The following ZFYVE9 variants were observed in gnomAD, a reference collection of about 807,000 sequenced individuals.
ZFYVE9 encodes zinc finger FYVE domain-containing protein 9.
A neutral mutation model predicts 126.7 loss-of-function variants in ZFYVE9; 43 were observed. The observed-to-expected ratio is 0.34, with a 90% CI of 0.27 to 0.44. The LOEUF is 0.44. Ranked by LOEUF, ZFYVE9 falls within the 20% of genes least tolerant of loss-of-function variation. The pLI is 1.00. For synonymous variants in ZFYVE9, 521 were observed against 597.4 expected (o/e 0.87, Z 1.87); for missense variants, 1,476 against 1,697.0 (o/e 0.87, Z 2.29).
chr1:52,343,769 AAAAAT>A (rs1646461110), intron 17 of ZFYVE9, among the ~76,000 whole-genome samples: 2 of 151,094 alleles, frequency 1.3e-5, no homozygotes, highest in African/African-American at 4.9e-5. Flanking sequence ...ATCTCAAAAA[AAAAAT>A]AAAGTAAGTC....
rs143658263 is a variant in ZFYVE9, at chr1:52,187,475, T to G, written c.-142-28894T>G. On this transcript the variant is annotated intron_variant, in intron 1 of 18. Transcript: ENST00000287727. ...GCAAAAATTGACAAATGGCATCTAA[T>G]TAAACTTAAGAGTTTCTGCACAGCA... Among the ~76,000 whole-genome samples, 379 of 152,308 alleles carry G rather than the reference T, an allele frequency of 2.5e-3. 12 individuals carry two copies. The South Asian group carries it at 0.043, about 17-fold the overall frequency.
chr1:52,320,296 C>T (rs560458877), intron 13 of ZFYVE9, among the ~76,000 whole-genome samples: 9 of 152,186 alleles, frequency 5.9e-5, no homozygotes, highest in African/African-American at 1.7e-4. Flanking sequence ...TCTCGAACTC[C>T]TGACCTCAGG....
chr1:52,162,481 T>A (rs1262145692), intron 1 of ZFYVE9: 1 of 251,614 alleles, frequency 4.0e-6, no homozygotes. Flanking sequence ...AGCTCCTTTC[T>A]GTTTGCCCTT....
intron 1 of ZFYVE9, among the ~76,000 whole-genome samples, chr1:52,164,331 A>C (rs1644492438): frequency 1.3e-5 from 2 of 152,148 alleles, no homozygotes; most frequent in South Asian, 4.1e-4. Context: ...CTCCTGCCTC[A>C]GCTTCTTGAG....
chr1:52,185,220 C>T (rs1370955310), intron 1 of ZFYVE9, among the ~76,000 whole-genome samples: 1 of 152,054 alleles, frequency 6.6e-6, no homozygotes, highest in Non-Finnish European at 1.5e-5. Flanking sequence ...AATAATTATA[C>T]CTTACAGAGT....
Position 52,199,205 on chromosome 1 carries a change from A to G in ZFYVE9, c.-142-17164A>G, listed in dbSNP as rs549430988. Among the ~76,000 whole-genome samples, 351 of 152,168 alleles carry G rather than the reference A, an allele frequency of 2.3e-3. 5 individuals carry two copies. In the South Asian group the frequency reaches 0.044, roughly 19 times the overall value. On this transcript the variant is annotated intron_variant, in intron 1 of 18. Coordinates refer to ENST00000287727, the MANE Select transcript of ZFYVE9 (RefSeq NM_004799.4). ...CTCAGCCTCCCGAGTAGCTGGGACT[A>G]TAGGCGCTGCCACTACGCCCGGCTA...
At chr1:52,186,182 G>T (rs1033001657) in intron 1 of ZFYVE9, among the ~76,000 whole-genome samples, 3 of 150,936 alleles carry the variant, frequency 2.0e-5, no homozygotes, top group African/African-American at 7.3e-5. Flanking sequence ...GGAGGTTTCA[G>T]TGAGCCAAGA....
intron 15 of ZFYVE9, 81 bp downstream of exon 15, chr1:52,334,849 A>C: frequency 7.3e-7 from 1 of 1,376,814 alleles, no homozygotes; most frequent in East Asian, 2.3e-5. Flanking sequence ...TCTGCTGTAG[A>C]TGTCTGACTC....
intron 4 of ZFYVE9, among the ~76,000 whole-genome samples, chr1:52,254,528 A>G (rs1645484756): frequency 6.6e-6 from 1 of 152,192 alleles, no homozygotes; most frequent in African/African-American, 2.4e-5. Flanking sequence ...CATCTCTGCC[A>G]AACAAAAGGG....
At chr1:52,145,248 CTT>C (rs1644296134) in intron 1 of ZFYVE9, among the ~76,000 whole-genome samples, 1 of 152,130 alleles carries the variant, frequency 6.6e-6, no homozygotes, top group Admixed American at 6.5e-5. Flanking sequence ...CCTATTAACT[CTT>C]TTAGAAAGGT....
chr1:52,176,731 CA>C (rs919220642), intron 1 of ZFYVE9, among the ~76,000 whole-genome samples: 3 of 152,340 alleles, frequency 2.0e-5, no homozygotes, highest in Admixed American at 2.0e-4. Flanking sequence ...TGCCGCCTTG[CA>C]GTTTGATCTC....
In ZFYVE9 at chr1:52,263,858, C is replaced by T; in HGVS notation, c.2264C>T (p.Ser755Leu). 6.4e-7 allele frequency: 1 copy of T among 1,553,210 alleles called. No individual in the cohort carries two copies. The highest frequency in any genetic ancestry group is 8.8e-7 in the Non-Finnish European group (1 of 1,142,750). ...GCTAGAGTGTGTGTAATCTGCCATTCAGTGCTAATGAATGGTAAGTATTAA... is the reference window on the plus strand; with the variant it reads ...GCTAGAGTGTGTGTAATCTGCCATTTAGTGCTAATGAATGGTAAGTATTAA... ...KEARVCVICH[S>L]VLMNAQAWEN... Residue 755 changes from serine (S) to leucine (L), a missense_variant, in exon 5 of 19, where the codon TCA becomes TTA. By Grantham distance (145) the Ser-to-Leu change is moderately radical. This residue lies in a region of ZFYVE9 where 669 missense variants were observed against 902.4 expected (regional missense o/e 0.74). Transcript: ENST00000287727.
intron 8 of ZFYVE9, among the ~76,000 whole-genome samples, chr1:52,276,652 T>A (rs1320958962): frequency 6.6e-6 from 1 of 152,164 alleles, no homozygotes; most frequent in Non-Finnish European, 1.5e-5. Flanking sequence ...AGAATACCCC[T>A]CTCTACTGTA....
chr1:52,173,856 T>A (rs1299803830), intron 1 of ZFYVE9, among the ~76,000 whole-genome samples: 2 of 152,198 alleles, frequency 1.3e-5, no homozygotes, highest in African/African-American at 4.8e-5. Flanking sequence ...ATATCCCCTT[T>A]ATAATTTTTT....
intron 2 of ZFYVE9, among the ~76,000 whole-genome samples, chr1:52,220,489 T>C (rs889405580): frequency 6.6e-6 from 1 of 152,210 alleles, no homozygotes; most frequent in African/African-American, 2.4e-5. Context: ...TTTAATCAAC[T>C]TGGATGCTTT....
Position 52,255,090 on chromosome 1 carries a change from C to CAA in ZFYVE9, c.2179-8668_2179-8667dup, listed in dbSNP as rs564246034. On this transcript the variant is annotated intron_variant, in intron 4 of 18. Coordinates refer to ENST00000287727, the MANE Select transcript of ZFYVE9 (RefSeq NM_004799.4). ...CTGGGTGATAAACGAGACCATGTCT[C>CAA]AAAAAAAAAAAAAAAAGGTTAATGG... 2.7e-4 allele frequency among the ~76,000 whole-genome samples: 17 copies of CAA among 62,148 alleles called. No individual in the cohort carries two copies. In the South Asian group the frequency reaches 4.0e-3, roughly 14 times the overall value. 40.8% of individuals were successfully genotyped at this position (62,148 alleles called of 152,430 possible).
intron 17 of ZFYVE9, among the ~76,000 whole-genome samples, chr1:52,343,068 G>A (rs897569601): frequency 1.3e-4 from 19 of 151,826 alleles, no homozygotes; most frequent in Middle Eastern, 3.4e-3. Flanking sequence ...CACCACGCCC[G>A]GCTAATTTTT....
intron 1 of ZFYVE9, among the ~76,000 whole-genome samples, chr1:52,187,074 A>G (rs866019030): frequency 2.0e-5 from 3 of 152,348 alleles, no homozygotes; most frequent in African/African-American, 4.8e-5. Context: ...ACTATACTAC[A>G]GTGCTACAGT....
intron 12 of ZFYVE9, among the ~76,000 whole-genome samples, chr1:52,301,122 A>C (rs1363875026): frequency 6.6e-6 from 1 of 151,760 alleles, no homozygotes; most frequent in Non-Finnish European, 1.5e-5. Context: ...GGCCTACCAA[A>C]GTGCTGGGAT....
Sources: allele counts gnomAD v4.1 joint callset (sites outside exome capture counted in the v4.1 genomes callset), GRCh38; gene constraint gnomAD v4.1.1; regional missense constraint gnomAD v4.1.1; transcripts MANE v1.5; gene names NCBI Gene and HGNC (gene_info 2026-07-23, HGNC 2026-07-21).